XYLT1: variants seen among roughly 807,000 people sequenced by gnomAD.
XYLT1 encodes xylosyltransferase 1, also known as beta-D-xylosyltransferase 1.
In XYLT1, 36 loss-of-function variants were observed where a neutral mutation model predicts 91.3. That is an observed-to-expected ratio of 0.39 (90% confidence interval 0.30 to 0.52). The LOEUF (loss-of-function observed/expected upper bound fraction) is 0.52. Ranked by LOEUF, XYLT1 falls within the 20% of genes least tolerant of loss-of-function variation. The probability of loss-of-function intolerance (pLI) is 0.68; values close to 1 mark genes in which losing one functional copy is unlikely to be tolerated. For synonymous variants in XYLT1, 588 were observed against 532.0 expected (o/e 1.11, Z -1.45); for missense variants, 1,242 against 1,284.5 (o/e 0.97, Z 0.51).
intron 10 of XYLT1, among the ~76,000 whole-genome samples, chr16:17,118,889 T>G (rs1485985366): frequency 6.6e-6 from 1 of 152,126 alleles, no homozygotes; most frequent in African/African-American, 2.4e-5. Context: ...CTGCACCATC[T>G]GCCCTGTGTG....
At chr16:17,272,950 G>T (rs2033918768) in intron 2 of XYLT1, among the ~76,000 whole-genome samples, 1 of 152,186 alleles carries the variant, frequency 6.6e-6, no homozygotes, top group Admixed American at 6.5e-5. Context: ...GGCATTTCCA[G>T]TTATCACAAT....
intron 5 of XYLT1, among the ~76,000 whole-genome samples, chr16:17,182,173 T>C (rs965598860): frequency 6.6e-6 from 1 of 152,192 alleles, no homozygotes; most frequent in Non-Finnish European, 1.5e-5. Context: ...ATAGCTCTCA[T>C]ACAGGGGATG....
chr16:17,245,420 C>T (rs1031220966), intron 3 of XYLT1, among the ~76,000 whole-genome samples: 1 of 152,170 alleles, frequency 6.6e-6, no homozygotes, highest in Non-Finnish European at 1.5e-5. Flanking sequence ...TGTGGCTCAG[C>T]TCGATTCTGA....
chr16:17,113,164 T>TA (rs893688977), intron 11 of XYLT1, among the ~76,000 whole-genome samples: 49 of 143,660 alleles, frequency 3.4e-4, no homozygotes, highest in African/African-American at 1.3e-3. Flanking sequence ...TTGGAGATGA[T>TA]AGAGTCTCGC....
chr16:17,287,673 C>T (rs2034162013), intron 2 of XYLT1, among the ~76,000 whole-genome samples: 1 of 152,158 alleles, frequency 6.6e-6, no homozygotes, highest in Non-Finnish European at 1.5e-5. Flanking sequence ...GCATTAAGGG[C>T]CCACTGTGTG....
At chr16:17,136,395 C>T (rs1487936344) in intron 8 of XYLT1, among the ~76,000 whole-genome samples, 1 of 152,190 alleles carries the variant, frequency 6.6e-6, no homozygotes, top group African/African-American at 2.4e-5. Flanking sequence ...TGCCAGTCTG[C>T]TTCAGGAAAC....
chr16:17,412,620 TA>T (rs1249123341), intron 1 of XYLT1, among the ~76,000 whole-genome samples: 1 of 152,110 alleles, frequency 6.6e-6, no homozygotes, highest in African/African-American at 2.4e-5. Flanking sequence ...AAAGAGGCTC[TA>T]AAGATTCTAA....
At chr16:17,407,680 G>A (rs2036051564) in intron 1 of XYLT1, among the ~76,000 whole-genome samples, 1 of 152,238 alleles carries the variant, frequency 6.6e-6, no homozygotes, top group Non-Finnish European at 1.5e-5. Flanking sequence ...GAAGAGTATG[G>A]CCTTGGGATT....
chr16:17,247,896 G>T (rs538261809), intron 3 of XYLT1, among the ~76,000 whole-genome samples: 4 of 152,266 alleles, frequency 2.6e-5, no homozygotes, highest in African/African-American at 9.6e-5. Context: ...TGGGGGCAGG[G>T]GTTGCTTTCC....
intron 2 of XYLT1, among the ~76,000 whole-genome samples, chr16:17,263,687 C>T (rs1256478149): frequency 6.6e-6 from 1 of 151,624 alleles, no homozygotes; most frequent in Non-Finnish European, 1.5e-5. Flanking sequence ...TCTCTGGCTT[C>T]CCCCCTTCAA....
intron 4 of XYLT1, 53 bp downstream of exon 4, chr16:17,200,429 A>G: frequency 1.3e-6 from 2 of 1,585,010 alleles, no homozygotes; most frequent in South Asian, 2.3e-5. Context: ...TCAGGGAGGG[A>G]CGGACAGACC....
At chr16:17,217,667 C>G (rs1479735541) in intron 3 of XYLT1, among the ~76,000 whole-genome samples, 2 of 152,186 alleles carry the variant, frequency 1.3e-5, no homozygotes, top group African/African-American at 4.8e-5. Flanking sequence ...AATCTGTATT[C>G]AAGGAGCTGA....
At chr16:17,350,406 C>T (rs1389077024) in intron 2 of XYLT1, among the ~76,000 whole-genome samples, 1 of 152,200 alleles carries the variant, frequency 6.6e-6, no homozygotes, top group Non-Finnish European at 1.5e-5. Context: ...GCCAGGAGAT[C>T]GCAGATCCTC....
At position 17,378,553 on chromosome 16, in the gene XYLT1, A is replaced by C. The variant is rs2035631573; in HGVS notation, c.364-20503T>G. On this transcript the variant is annotated intron_variant, in intron 1 of 11. Coordinates refer to ENST00000261381, the MANE Select transcript of XYLT1 (RefSeq NM_022166.4). ...AAGATGTCTCCTTCTAATTGAGGTA[A>C]TTTCTAGGAATATGTTGCTAAAAGT... Among the ~76,000 whole-genome samples, 4 of 152,208 alleles carry C rather than the reference A, an allele frequency of 2.6e-5. No homozygotes were observed. The South Asian group carries it at 8.3e-4, about 31-fold the overall frequency.
At chr16:17,148,180 T>C (rs1363841403) in intron 6 of XYLT1, among the ~76,000 whole-genome samples, 2 of 152,238 alleles carry the variant, frequency 1.3e-5, no homozygotes, top group South Asian at 2.1e-4. Flanking sequence ...CAAAGTGTGA[T>C]GGATGATGCT....
At position 17,134,561 on chromosome 16, in the gene XYLT1, C is replaced by T. The variant is rs756272760; in HGVS notation, c.1939G>A (p.Val647Met). The change falls in exon 9 of 12, where the codon GTG becomes ATG. Residue 647 changes from valine (V) to methionine (M), a missense_variant. By Grantham distance (21) the Val-to-Met change is conservative. Transcript: ENST00000261381. ...AAGGAGTGGTACAAGGTGAGTGTCA[C>T]GTCGCTCAGGCTGTGGATGCCGTCA... Reference protein sequence around the residue: ...EPDGIHSLSDVTLTLYHSFAR... With the variant: ...EPDGIHSLSDMTLTLYHSFAR... 6.8e-6 allele frequency: 11 copies of T among 1,614,038 alleles called. No individual in the cohort carries two copies. Among genetic ancestry groups the T allele is most frequent in the South Asian group, 3.3e-5 (3 of 91,092 alleles).
intron 5 of XYLT1, among the ~76,000 whole-genome samples, chr16:17,163,820 G>A (rs771844858): frequency 2.6e-5 from 4 of 151,966 alleles, no homozygotes; most frequent in Admixed American, 6.6e-5. Context: ...AGGCCAAGGC[G>A]GGTGGATCAT....
intron 2 of XYLT1, among the ~76,000 whole-genome samples, chr16:17,321,448 C>T (rs904147306): frequency 1.6e-5 from 2 of 126,432 alleles, no homozygotes; most frequent in Admixed American, 2.1e-4. Flanking sequence ...GCCTTGACTT[C>T]TTTGGTTCAA....
chr16:17,409,886 T>C (rs2036086012), intron 1 of XYLT1, among the ~76,000 whole-genome samples: 1 of 152,122 alleles, frequency 6.6e-6, no homozygotes, highest in Admixed American at 6.5e-5. Context: ...GACCGAGTTT[T>C]ATGGTTGCAA....
Sources: allele counts gnomAD v4.1 joint callset (sites outside exome capture counted in the v4.1 genomes callset), GRCh38; gene constraint gnomAD v4.1.1; transcripts MANE v1.5; gene names NCBI Gene and HGNC (gene_info 2026-07-23, HGNC 2026-07-21).